The following MYO9A variants were observed in gnomAD, a reference collection of about 807,000 sequenced individuals.
MYO9A encodes the protein myosin IXA.
MYO9A carries 103 observed loss-of-function variants against 293.3 expected under a neutral mutation model. The observed-to-expected ratio is 0.35, with a 90% CI of 0.30 to 0.41. The LOEUF (loss-of-function observed/expected upper bound fraction) is 0.41, where lower values mean the gene tolerates loss of function less well. Among genes scored for constraint, MYO9A ranks in the 10% least tolerant of loss-of-function variants. MYO9A has a pLI of 1.00. For synonymous variants in MYO9A, 1,001 were observed against 1,035.7 expected, an observed-to-expected ratio of 0.97 and a Z score of 0.64; for missense variants, 2,685 against 3,033.0, an observed-to-expected ratio of 0.89 and a Z score of 2.69.
chr15:72,081,722 C>A (rs970574785), intron 1 of MYO9A, among the ~76,000 whole-genome samples: 2 of 152,048 alleles, frequency 1.3e-5, no homozygotes, highest in African/African-American at 4.8e-5. Flanking sequence ...TTTTTGTACA[C>A]GGTGAAAGGA....
At chr15:71,913,886 A>C (rs77213470) in intron 19 of MYO9A, among the ~76,000 whole-genome samples, 2 of 19,644 alleles carry the variant, frequency 1.0e-4, no homozygotes, top group Non-Finnish European at 4.0e-4. Flanking sequence ...CATGTAATAA[A>C]AGGTCGTTTC....
intron 11 of MYO9A, among the ~76,000 whole-genome samples, chr15:71,988,549 T>C (rs1164734782): frequency 6.6e-6 from 1 of 152,222 alleles, no homozygotes; most frequent in East Asian, 1.9e-4. Context: ...AGGACTAATA[T>C]TGTCATGCTA....
At chr15:71,935,137 A>G (rs2058601898) in intron 17 of MYO9A, 4 of 490,526 alleles carry the variant, frequency 8.2e-6, no homozygotes, top group African/African-American at 1.9e-5. Flanking sequence ...GGGGAGAAAA[A>G]TCAACAAAAA....
In MYO9A at chr15:71,904,966, T is replaced by A. The variant is rs1279104725; in HGVS notation, c.2726A>T (p.Glu909Val). 6.2e-7 allele frequency: 1 copy of A among 1,606,424 alleles called. No homozygotes were observed. Among genetic ancestry groups the A allele is most frequent in the Non-Finnish European group, 8.5e-7 (1 of 1,175,014 alleles). Residue 909 changes from glutamate to valine, a missense_variant, in exon 20 of 42, where the codon GAA becomes GTA. Physicochemically the swap from Glu to Val is moderately radical, Grantham distance 121 (BLOSUM62 -2). This residue lies in a region of MYO9A where 1,434 missense variants were observed against 1,497.7 expected (regional missense o/e 0.96). Transcript: ENST00000356056. ...SKLMETLGQAEPYFVKCIRSN... is the reference protein window; with the variant it reads ...SKLMETLGQAVPYFVKCIRSN... The stretch of plus-strand genomic sequence containing the variant: ...GCGAATGCATTTTACAAAATATGGT[T>A]CTGCTTGACCAAGTGTTTCCATTAG...
chr15:71,916,613 GA>G (rs1357435031), intron 18 of MYO9A, 121 bp from the exon 19 acceptor site: 1 of 898,110 alleles, frequency 1.1e-6, no homozygotes. Flanking sequence ...TGACTGTAGT[GA>G]ATATGAAAGA....
At chr15:71,841,218 T>C (rs2055147383) in intron 39 of MYO9A, among the ~76,000 whole-genome samples, 1 of 152,262 alleles carries the variant, frequency 6.6e-6, no homozygotes, top group Admixed American at 6.5e-5. Context: ...ATATCTCCAA[T>C]TCTTTTTCTT....
chr15:72,087,096 A>G (rs2079762096), intron 1 of MYO9A, among the ~76,000 whole-genome samples: 2 of 152,140 alleles, frequency 1.3e-5, no homozygotes, highest in African/African-American at 4.8e-5. Flanking sequence ...GCTCTCTGCC[A>G]TTCAAGTGTG....
chr15:71,864,771 G>A (rs931402839), intron 32 of MYO9A, among the ~76,000 whole-genome samples: 1 of 152,118 alleles, frequency 6.6e-6, no homozygotes, highest in South Asian at 2.1e-4. Context: ...TCCAGAAAAG[G>A]TAAGACTATA....
At position 71,934,535 on chromosome 15, in the gene MYO9A, C is replaced by T. The variant is rs545277632; in HGVS notation, c.2522+806G>A. ...CCAATTCAGTCACACCTCTAGCTAGCGGTCAAACGATATGCTTGGGAAATA... is the reference window on the plus strand; with the variant it reads ...CCAATTCAGTCACACCTCTAGCTAGTGGTCAAACGATATGCTTGGGAAATA... On this transcript the variant is annotated intron_variant, in intron 17 of 41. Transcript: ENST00000356056. Among the ~76,000 whole-genome samples the T allele has an allele frequency of 3.3e-5, 5 of 151,890 alleles. No homozygotes were observed. In the South Asian group the frequency reaches 6.2e-4, roughly 19 times the overall value.
At chr15:72,013,109 A>T (rs908146619) in intron 6 of MYO9A, among the ~76,000 whole-genome samples, 1 of 152,230 alleles carries the variant, frequency 6.6e-6, no homozygotes, top group African/African-American at 2.4e-5. Flanking sequence ...ACAGACCAAG[A>T]GTCAAATACA....
chr15:71,924,330 C>T (rs1166351056), intron 18 of MYO9A, among the ~76,000 whole-genome samples: 2 of 152,058 alleles, frequency 1.3e-5, no homozygotes, highest in African/African-American at 4.8e-5. Flanking sequence ...CAAGCTCCAC[C>T]TCCCAGGTTC....
chr15:72,065,059 T>C (rs1045579382), intron 1 of MYO9A, among the ~76,000 whole-genome samples: 1 of 152,158 alleles, frequency 6.6e-6, no homozygotes, highest in African/African-American at 2.4e-5. Flanking sequence ...AAAACAAAGA[T>C]GCCACTGCAA....
At chr15:72,073,346 A>AT (rs1055285309) in intron 1 of MYO9A, among the ~76,000 whole-genome samples, 49 of 152,302 alleles carry the variant, frequency 3.2e-4, no homozygotes, top group African/African-American at 1.2e-3. Context: ...TACCGCCACA[A>AT]TTGTCAGGGT....
chr15:72,009,229 G>A (rs2077104421), intron 7 of MYO9A, among the ~76,000 whole-genome samples: 1 of 152,090 alleles, frequency 6.6e-6, no homozygotes, highest in East Asian at 1.9e-4. Flanking sequence ...TCATTGAACT[G>A]TAGTTTATGT....
intron 1 of MYO9A, among the ~76,000 whole-genome samples, chr15:72,096,571 T>A (rs1596560725): frequency 6.6e-6 from 1 of 152,306 alleles, no homozygotes; most frequent in East Asian, 1.9e-4. Flanking sequence ...ATTAATGTTT[T>A]CCCACCTGCT....
chr15:72,053,579 CTT>C (rs1313426501), intron 1 of MYO9A, among the ~76,000 whole-genome samples: 1 of 152,054 alleles, frequency 6.6e-6, no homozygotes, highest in East Asian at 1.9e-4. Context: ...AAACACCACA[CTT>C]ATAAATGGAA....
intron 1 of MYO9A, among the ~76,000 whole-genome samples, chr15:72,088,612 A>G (rs1054390792): frequency 5.9e-5 from 9 of 152,200 alleles, no homozygotes; most frequent in Admixed American, 4.6e-4. Context: ...TGCTTCATGT[A>G]TACTTCTCAG....
intron 1 of MYO9A, among the ~76,000 whole-genome samples, chr15:72,099,610 A>G (rs1261113465): frequency 6.6e-6 from 1 of 151,796 alleles, no homozygotes; most frequent in Non-Finnish European, 1.5e-5. Flanking sequence ...AAAAAAAGAA[A>G]AAAAAACCAA....
chr15:72,023,711 AAAG>A (rs1198737649), intron 4 of MYO9A, among the ~76,000 whole-genome samples: 2 of 151,074 alleles, frequency 1.3e-5, no homozygotes, highest in South Asian at 2.1e-4. Context: ...AAAAAAAAAA[AAAG>A]AAAAGAAAAA....
Sources: gnomAD v4.1 joint callset for allele counts (sites outside exome capture counted in the v4.1 genomes callset) on GRCh38, gnomAD v4.1.1 for gene constraint, gnomAD v4.1.1 regional missense constraint, MANE v1.5 for transcripts, NCBI Gene and HGNC (gene_info 2026-07-23, HGNC 2026-07-21) for gene names.